Variants in PSD3 observed in about 807,000 individuals in gnomAD.
PSD3 encodes pleckstrin and Sec7 domain containing 3.
A neutral mutation model predicts 105.5 loss-of-function variants in PSD3; 49 were observed. That is an observed-to-expected ratio of 0.46 (90% CI 0.37 to 0.59). PSD3 has a LOEUF of 0.59. Ranked by LOEUF, PSD3 falls within the 20% of genes least tolerant of loss-of-function variation. PSD3 has a pLI of 0.00. For synonymous variants in PSD3, 557 were observed against 457.8 expected, an observed-to-expected ratio of 1.22 and a Z score of -2.77; for missense variants, 1,561 against 1,263.8, an observed-to-expected ratio of 1.24 and a Z score of -3.57.
intron 14 of PSD3, among the ~76,000 whole-genome samples, chr8:18,565,327 A>AAT (rs1430700888): frequency 6.6e-6 from 1 of 152,160 alleles, no homozygotes; most frequent in East Asian, 1.9e-4. Flanking sequence ...GGAGAAGCAA[A>AAT]ACTTGTATTT....
rs142027321 is a variant in PSD3, at chr8:18,712,529, A to T, written c.2172+52920T>A. On this transcript the variant is annotated intron_variant, in intron 9 of 15. Transcript: ENST00000327040. The stretch of plus-strand genomic sequence containing the variant: ...AAACTAGAAAATCTAGAAGAAATGG[A>T]TATATTCCTAGACACATACACACAT... 3.2e-3 allele frequency among the ~76,000 whole-genome samples: 490 copies of T among 152,326 alleles called. 1 individual carries two copies. Among genetic ancestry groups the T allele is most frequent in the African/African-American group, 0.011 (461 of 41,562 alleles).
intron 8 of PSD3, among the ~76,000 whole-genome samples, chr8:18,798,096 G>A (rs114509838): frequency 1.3e-5 from 2 of 152,136 alleles, no homozygotes; most frequent in Admixed American, 6.6e-5. Flanking sequence ...TAACAAGCTG[G>A]ATGAACATTA....
intron 3 of PSD3, among the ~76,000 whole-genome samples, chr8:18,868,830 A>G (rs891928850): frequency 1.3e-5 from 2 of 152,234 alleles, no homozygotes; most frequent in Non-Finnish European, 2.9e-5. Flanking sequence ...GATCACTACT[A>G]AGAGCAAGAG....
Position 18,669,651 on chromosome 8 carries a change from G to A in PSD3, c.2173-13966C>T, listed in dbSNP as rs531123248. On this transcript the variant is annotated intron_variant, in intron 9 of 15. Transcript: ENST00000327040. ...CGACAGTGAGATTGCATCGCACTAC[G>A]CCGGATGGCATGAGATTTAAAACTT... 3.9e-5 allele frequency among the ~76,000 whole-genome samples: 6 copies of A among 152,300 alleles called. No individual in the cohort carries two copies. In the South Asian group the frequency reaches 1.2e-3, roughly 32 times the overall value.
At chr8:18,675,150 A>C in intron 9 of PSD3, among the ~76,000 whole-genome samples, 1 of 152,166 alleles carries the variant, frequency 6.6e-6, no homozygotes, top group East Asian at 1.9e-4. Flanking sequence ...TAGGACCTCA[A>C]CCCTTTAGAT....
intron 9 of PSD3, among the ~76,000 whole-genome samples, chr8:18,746,339 C>A (rs1353921856): frequency 6.6e-6 from 1 of 152,192 alleles, no homozygotes; most frequent in Admixed American, 6.5e-5. Flanking sequence ...CTGACCCTTG[C>A]TGAAAGCCGT....
intron 1 of PSD3, among the ~76,000 whole-genome samples, chr8:19,020,126 G>A (rs1425046313): frequency 6.6e-6 from 1 of 152,120 alleles, no homozygotes; most frequent in Non-Finnish European, 1.5e-5. Flanking sequence ...CCATGTGCTA[G>A]GTATAGTTTA....
chr8:18,826,972 A>C (rs1813243474), intron 4 of PSD3, among the ~76,000 whole-genome samples: 1 of 152,330 alleles, frequency 6.6e-6, no homozygotes, highest in South Asian at 2.1e-4. Flanking sequence ...ATCAGCTCAT[A>C]CCAAAGTGAT....
intron 11 of PSD3, among the ~76,000 whole-genome samples, chr8:18,630,281 G>A (rs1326931036): frequency 6.6e-6 from 1 of 151,898 alleles, no homozygotes; most frequent in Non-Finnish European, 1.5e-5. Context: ...GAGATACAAT[G>A]GCAGAAAAAC....
At chr8:18,912,987 C>T (rs923928636) in intron 2 of PSD3, among the ~76,000 whole-genome samples, 8 of 151,566 alleles carry the variant, frequency 5.3e-5, no homozygotes, top group Admixed American at 2.0e-4. Context: ...ACTTAAGAAA[C>T]GGCCACCATC....
intron 12 of PSD3, among the ~76,000 whole-genome samples, chr8:18,596,378 A>C (rs1804096216): frequency 6.6e-6 from 1 of 152,018 alleles, no homozygotes. Context: ...GAAACAATAA[A>C]GATTAGAGCA....
intron 1 of PSD3, among the ~76,000 whole-genome samples, chr8:19,079,298 G>A (rs1357704034): frequency 6.6e-6 from 1 of 152,098 alleles, no homozygotes; most frequent in Non-Finnish European, 1.5e-5. Context: ...CTAAAGATAA[G>A]CTTTTCAATC....
chr8:19,027,187 A>C (rs551865067), intron 1 of PSD3, among the ~76,000 whole-genome samples: 1 of 152,236 alleles, frequency 6.6e-6, no homozygotes, highest in South Asian at 2.1e-4. Context: ...AAAGACTCTC[A>C]TTCTGTCAGA....
At chr8:18,843,320 G>A (rs1184206729) in intron 4 of PSD3, among the ~76,000 whole-genome samples, 4 of 140,650 alleles carry the variant, frequency 2.8e-5, no homozygotes, top group East Asian at 2.0e-4. Flanking sequence ...GAGATCGCAC[G>A]AGACTCCGTC....
At position 18,978,414 on chromosome 8, in the gene PSD3, A is replaced by C. The variant is rs149031923; in HGVS notation, c.21+35149T>G. 5.2e-3 allele frequency among the ~76,000 whole-genome samples: 787 copies of C among 152,370 alleles called. 2 individuals carry two copies. The highest frequency in any genetic ancestry group is 7.5e-3 in the Non-Finnish European group (508 of 68,040). ...TCACAGGATTTTGTTCAGATTTGGA[A>C]GTAGAAAGGGAAACGTGAGGTTATA... On this transcript the variant is annotated intron_variant, in intron 1 of 15. Transcript: ENST00000327040.
intron 1 of PSD3, among the ~76,000 whole-genome samples, chr8:18,967,383 G>A (rs751330028): frequency 4.6e-5 from 7 of 151,984 alleles, no homozygotes; most frequent in East Asian, 1.9e-4. Context: ...TCAAACTCCC[G>A]ATCTAAGGTG....
chr8:18,787,288 A>G (rs1261308634), intron 8 of PSD3, among the ~76,000 whole-genome samples: 3 of 152,164 alleles, frequency 2.0e-5, no homozygotes, highest in Non-Finnish European at 1.5e-5. Flanking sequence ...CATATTTTAA[A>G]TTTCTTCCCA....
At chr8:18,622,094 G>C (rs1365855801) in intron 11 of PSD3, among the ~76,000 whole-genome samples, 1 of 152,158 alleles carries the variant, frequency 6.6e-6, no homozygotes, top group Admixed American at 6.5e-5. Context: ...TGTATCCACA[G>C]TATTTACAAT....
chr8:18,589,137 T>G (rs1375352501), intron 12 of PSD3, among the ~76,000 whole-genome samples: 1 of 152,190 alleles, frequency 6.6e-6, no homozygotes, highest in Non-Finnish European at 1.5e-5. Flanking sequence ...GGGCCCAGCA[T>G]GTACACACAT....
Sources: gnomAD v4.1 joint callset for allele counts (sites outside exome capture counted in the v4.1 genomes callset) on GRCh38, gnomAD v4.1.1 for gene constraint, MANE v1.5 for transcripts, NCBI Gene and HGNC (gene_info 2026-07-23, HGNC 2026-07-21) for gene names.